The following CCDC197 variants were observed in gnomAD, a reference collection of about 807,000 sequenced individuals.
CCDC197 encodes coiled-coil domain containing 197.
A neutral mutation model predicts 13.4 loss-of-function variants in CCDC197; 24 were observed. The ratio of observed to expected loss-of-function variants is 1.80; its 90% confidence interval spans 1.30 to 2.53. The LOEUF (loss-of-function observed/expected upper bound fraction) is 2.53, where lower values mean the gene tolerates loss of function less well. CCDC197 is among the 30% of genes most tolerant of loss of function. The probability of loss-of-function intolerance (pLI) is 0.00; values close to 1 mark genes in which losing one functional copy is unlikely to be tolerated. For missense variants in CCDC197, 255 were observed against 148.8 expected (o/e 1.71, Z -3.71); for synonymous variants, 99 against 55.5 (o/e 1.78, Z -3.48).
At chr14:93,996,956 G>T (rs1054364631), upstream of CCDC197, among the ~76,000 whole-genome samples, 11 of 152,208 alleles carry the variant, frequency 7.2e-5, no homozygotes, top group South Asian at 2.1e-4. Flanking sequence ...GCCTTGGGGG[G>T]GCTGATGGAG....
upstream of CCDC197, among the ~76,000 whole-genome samples, chr14:93,997,009 C>A (rs1890335462): frequency 6.6e-6 from 1 of 152,182 alleles, no homozygotes; most frequent in Non-Finnish European, 1.5e-5. Flanking sequence ...GGGATGGGGT[C>A]AAGGGAGAGT....
chr14:93,999,352 C>T (rs183208107), intron 2 of CCDC197: 158 of 519,222 alleles, frequency 3.0e-4, no homozygotes, highest in Non-Finnish European at 4.4e-4. Context: ...TTCTTTGCTG[C>T]CTGGGAGATG....
At chr14:93,993,008 G>A (rs776328218), upstream of CCDC197, among the ~76,000 whole-genome samples, 9 of 152,242 alleles carry the variant, frequency 5.9e-5, no homozygotes, top group East Asian at 1.9e-4. Context: ...GAGCTACGTC[G>A]TGCCAGGTCT....
At position 93,998,151 on chromosome 14, in the gene CCDC197, G is replaced by C. The variant is rs372218185; in HGVS notation, c.20G>C (p.Gly7Ala). ...GAGGTGATGGCAGCCATGGACACAG[G>C]CCAGAGAGCTGACCCAAGCAATCCT... MAAMDT[G>A]QRADPSNPGD... The change falls in exon 2 of 7, where the codon GGC becomes GCC. Residue 7 changes from glycine (G) to alanine (A), a missense_variant. Transcript: ENST00000636493. 1.3e-6 allele frequency: 1 copy of C among 780,794 alleles called. No individual in the cohort carries two copies. 48.4% of individuals were successfully genotyped at this position (780,794 alleles called of 1,614,324 possible). A position where few individuals can be genotyped will look rare whatever the true frequency, so the allele number is the denominator to read the frequency against.
chr14:94,004,993 C>A (rs575477449), intron 6 of CCDC197, 22 bp downstream of exon 6: 2 of 699,232 alleles, frequency 2.9e-6, no homozygotes, highest in African/African-American at 1.7e-5. Context: ...CAGATGGCTG[C>A]GGGGCTCCTG....
chr14:94,003,024 T>G lies in CCDC197; in HGVS notation c.367-199T>G, dbSNP rs1025656773. On this transcript the variant is annotated intron_variant, in intron 4 of 6. Transcript: ENST00000636493. This position sits in a 1 kb window ranked among gnomAD's most constrained non-coding sequence, Gnocchi z 5.0. ...AGGGGAACTCCCCTTTATAAAATTATCAGGAACTGGGGCTCAGGTAAACTC... is the reference window on the plus strand; with the variant it reads ...AGGGGAACTCCCCTTTATAAAATTAGCAGGAACTGGGGCTCAGGTAAACTC... 1.3e-5 allele frequency among the ~76,000 whole-genome samples: 2 copies of G among 152,020 alleles called. No individual in the cohort carries two copies. Among genetic ancestry groups the G allele is most frequent in the African/African-American group, 2.4e-5 (1 of 41,370 alleles).
At chr14:93,999,275 C>T (rs540291717) in intron 2 of CCDC197, 164 of 297,196 alleles carry the variant, frequency 5.5e-4, no homozygotes, top group Non-Finnish European at 7.8e-4. Flanking sequence ...GCCACCTGCA[C>T]AGCCTCCAGG....
downstream of CCDC197, among the ~76,000 whole-genome samples, chr14:94,010,046 C>T (rs1368275932): frequency 6.6e-6 from 1 of 152,138 alleles, no homozygotes; most frequent in Non-Finnish European, 1.5e-5. Flanking sequence ...CCAAGAACCT[C>T]GAAAGCCCGC....
At chr14:93,998,336 G>A (rs1248321494) in intron 2 of CCDC197, 101 bp downstream of exon 2, 3 of 694,384 alleles carry the variant, frequency 4.3e-6, no homozygotes, top group Admixed American at 4.0e-5. Context: ...GGCCAGGACA[G>A]GGGGTGGATG....
downstream of CCDC197, among the ~76,000 whole-genome samples, chr14:94,010,920 C>T (rs1278020476): frequency 2.6e-5 from 4 of 152,190 alleles, no homozygotes; most frequent in Non-Finnish European, 4.4e-5. Context: ...CATCAGGAGG[C>T]CCTGTATCAA....
chr14:93,987,400 A>G (rs1471286461), intron 1 of CCDC197: 1 of 152,330 alleles, frequency 6.6e-6, no homozygotes, highest in Non-Finnish European at 1.5e-5. Context: ...AAAGCAGGTG[A>G]CTGCATTTTG....
downstream of CCDC197, among the ~76,000 whole-genome samples, chr14:94,010,569 C>A (rs1211832795): frequency 6.6e-6 from 1 of 152,172 alleles, no homozygotes; most frequent in East Asian, 1.9e-4. Flanking sequence ...GTCTCATAGA[C>A]CTTCACAGGA....
rs1050071394 is a variant in CCDC197 at position 93,999,505 on chromosome 14, G to A, written c.105-78G>A. ...CACGTCCAAGCAGGAGATCACAGAG[G>A]GTGGTCCAGGTTCATTCACAGGGGG... On this transcript the variant is annotated intron_variant, in intron 2 of 6. Transcript: ENST00000636493. 6.4e-5 allele frequency: 49 copies of A among 765,672 alleles called. No homozygotes were observed. In the Admixed American group the frequency reaches 7.3e-4, roughly 11 times the overall value. 47.4% of individuals were successfully genotyped at this position (765,672 alleles called of 1,614,324 possible). A position where few individuals can be genotyped will look rare whatever the true frequency, so the allele number is the denominator to read the frequency against.
intron 3 of CCDC197, among the ~76,000 whole-genome samples, chr14:94,000,556 A>G (rs1023282829): frequency 6.6e-6 from 1 of 152,104 alleles, no homozygotes; most frequent in Non-Finnish European, 1.5e-5. Context: ...GGCAGGAGCC[A>G]TAGGGCTGCG....
intron 6 of CCDC197, 65 bp downstream of exon 6, chr14:94,005,036 T>C: frequency 1.5e-6 from 1 of 677,218 alleles, no homozygotes; most frequent in South Asian, 1.6e-5. Flanking sequence ...CTTGAGCTAG[T>C]CCTGCTCCTT....
At chr14:93,995,284 C>T (rs113391062), upstream of CCDC197, among the ~76,000 whole-genome samples, 6 of 152,164 alleles carry the variant, frequency 3.9e-5, no homozygotes, top group African/African-American at 1.4e-4. Flanking sequence ...CCTTCCAGAA[C>T]TTGTTGGAAG....
chr14:93,991,243 C>T (rs1420613664), intron 1 of CCDC197, among the ~76,000 whole-genome samples: 4 of 152,068 alleles, frequency 2.6e-5, no homozygotes, highest in African/African-American at 4.8e-5. Context: ...AGGAGGCTAC[C>T]GTGGGAGGGG....
intron 1 of CCDC197, among the ~76,000 whole-genome samples, chr14:93,988,298 G>GA (rs1890138040): frequency 9.1e-6 from 1 of 110,004 alleles, no homozygotes; most frequent in Non-Finnish European, 1.9e-5. Context: ...GGGGATGGGA[G>GA]GAGGAAATGG....
chr14:94,005,419 G>A (rs1890654128), intron 6 of CCDC197, among the ~76,000 whole-genome samples: 3 of 152,108 alleles, frequency 2.0e-5, no homozygotes, highest in African/African-American at 7.2e-5. Context: ...GCTGGCAGCG[G>A]GCATTTCAGT....
Sources: gnomAD v4.1 joint callset for allele counts (sites outside exome capture counted in the v4.1 genomes callset) on GRCh38, gnomAD v4.1.1 for gene constraint, Gnocchi (gnomAD v3.1) non-coding constraint, MANE v1.5 for transcripts, NCBI Gene and HGNC (gene_info 2026-07-23, HGNC 2026-07-21) for gene names.